Variants in OTUD7A observed in about 807,000 individuals in gnomAD.
OTUD7A encodes the protein OTU deubiquitinase 7A.
A neutral mutation model predicts 65.7 loss-of-function variants in OTUD7A; 12 were observed. The observed-to-expected ratio is 0.18, with a 90% CI of 0.12 to 0.30. The LOEUF (loss-of-function observed/expected upper bound fraction) is 0.30, where lower values mean the gene tolerates loss of function less well. Among genes scored for constraint, OTUD7A ranks in the 10% least tolerant of loss-of-function variants. OTUD7A has a pLI of 1.00. For synonymous variants in OTUD7A, 641 were observed against 586.3 expected, an observed-to-expected ratio of 1.09 and a Z score of -1.35; for missense variants, 1,148 against 1,304.8, an observed-to-expected ratio of 0.88 and a Z score of 1.85.
chr15:31,489,461 C>T (rs1407981124), intron 10 of OTUD7A, among the ~76,000 whole-genome samples: 1 of 152,150 alleles, frequency 6.6e-6, no homozygotes, highest in Non-Finnish European at 1.5e-5. Context: ...TGTTGGAGAA[C>T]ATCAGCCCAG....
intron 10 of OTUD7A, among the ~76,000 whole-genome samples, chr15:31,490,250 A>G (rs73370522): frequency 6.6e-6 from 1 of 152,302 alleles, no homozygotes; most frequent in South Asian, 2.1e-4. Context: ...TAGAACAGCA[A>G]CTGCTTTTCA....
rs1360554603 is a variant in OTUD7A, at chr15:31,511,028, T to C, written c.894-7210A>G. 4.6e-5 allele frequency among the ~76,000 whole-genome samples: 2 copies of C among 43,910 alleles called. 1 individual carries two copies. Among genetic ancestry groups the C allele is most frequent in the Non-Finnish European group, 7.4e-5 (2 of 26,852 alleles). The allele number at this position is 43,910 out of a possible 152,430, so 28.8% of individuals were successfully genotyped here. On this transcript the variant is annotated intron_variant, in intron 8 of 12. Coordinates refer to ENST00000307050, the MANE Select transcript of OTUD7A (RefSeq NM_001382637.1). ...TCTATATGTAACATACATGTATATCTATATGTAACATACATGTATATCTAT... is the reference window on the plus strand; with the variant it reads ...TCTATATGTAACATACATGTATATCCATATGTAACATACATGTATATCTAT...
At chr15:31,657,883 G>C (rs182624559) in intron 1 of OTUD7A, among the ~76,000 whole-genome samples, 139 of 152,296 alleles carry the variant, frequency 9.1e-4, no homozygotes, top group African/African-American at 3.3e-3. Flanking sequence ...AACAGCATGA[G>C]GCTCTGGGTG....
At chr15:31,625,660 T>A (rs1362080072) in intron 3 of OTUD7A, among the ~76,000 whole-genome samples, 1 of 152,072 alleles carries the variant, frequency 6.6e-6, no homozygotes, top group Non-Finnish European at 1.5e-5. Flanking sequence ...CTCATAGGTG[T>A]TTACCCAAGA....
At chr15:31,794,527 C>T (rs1895900150) in intron 1 of OTUD7A, among the ~76,000 whole-genome samples, 1 of 151,770 alleles carries the variant, frequency 6.6e-6, no homozygotes, top group African/African-American at 2.4e-5. Context: ...TGGGAGAAAG[C>T]CACAAATTAG....
chr15:31,619,485 A>T (rs1483484345), intron 3 of OTUD7A, among the ~76,000 whole-genome samples: 1 of 152,110 alleles, frequency 6.6e-6, no homozygotes, highest in Non-Finnish European at 1.5e-5. Flanking sequence ...GAGGTCCTTC[A>T]CATCCCTTGT....
chr15:31,673,192 T>C (rs2338915), intron 1 of OTUD7A, among the ~76,000 whole-genome samples: 3 of 152,260 alleles, frequency 2.0e-5, no homozygotes, highest in Non-Finnish European at 2.9e-5. Flanking sequence ...CCTTGACTTA[T>C]GATGGGGTAA....
chr15:31,793,110 G>A (rs1895862275), intron 1 of OTUD7A, among the ~76,000 whole-genome samples: 1 of 152,164 alleles, frequency 6.6e-6, no homozygotes, highest in Non-Finnish European at 1.5e-5. Context: ...GTGCGGCTGT[G>A]CTTCTGCCTC....
At chr15:31,769,612 T>C (rs1895180327) in intron 1 of OTUD7A, among the ~76,000 whole-genome samples, 1 of 152,190 alleles carries the variant, frequency 6.6e-6, no homozygotes. Flanking sequence ...ATCCACACAA[T>C]GACATACTTT....
At chr15:31,573,373 C>T (rs112594444) in intron 3 of OTUD7A, among the ~76,000 whole-genome samples, 1 of 152,264 alleles carries the variant, frequency 6.6e-6, no homozygotes, top group South Asian at 2.1e-4. Flanking sequence ...GGATGAACTC[C>T]AGCCAATCAA....
chr15:31,526,493 TG>T, intron 7 of OTUD7A, 32 bp from the exon 8 acceptor site: 1 of 1,511,558 alleles, frequency 6.6e-7, no homozygotes, highest in Non-Finnish European at 8.9e-7. Context: ...AGAAGGGGGG[TG>T]GGCCACAGCT....
intron 9 of OTUD7A, 145 bp downstream of exon 9, chr15:31,503,546 G>A: frequency 5.2e-6 from 6 of 1,147,976 alleles, no homozygotes; most frequent in South Asian, 1.4e-5. Context: ...TCAGGGAGGA[G>A]AAAGAAACAC....
chr15:31,811,789 T>TGC (rs1345653176), intron 1 of OTUD7A, among the ~76,000 whole-genome samples: 1 of 152,188 alleles, frequency 6.6e-6, no homozygotes, highest in Non-Finnish European at 1.5e-5. Context: ...TAGGCCCTGC[T>TGC]GCGGGCAGTC....
chr15:31,728,017 C>T (rs1052748747), intron 1 of OTUD7A, among the ~76,000 whole-genome samples: 6 of 152,292 alleles, frequency 3.9e-5, no homozygotes, highest in African/African-American at 1.2e-4. Context: ...ATATTTCAAG[C>T]CCCCAACTCT....
rs141355429 is a variant in OTUD7A at position 31,799,264 on chromosome 15, A to G, written c.-100+71243T>C. Reference sequence around the variant, plus strand: ...TCTCCTTAATCCAGACGGTAGCCCCAGAATAACACAGTTTCATTCTCAGTT... The same window carrying G: ...TCTCCTTAATCCAGACGGTAGCCCCGGAATAACACAGTTTCATTCTCAGTT... On this transcript the variant is annotated intron_variant, in intron 1 of 12. Transcript: ENST00000307050. 3.4e-3 allele frequency among the ~76,000 whole-genome samples: 521 copies of G among 152,314 alleles called. 1 individual carries two copies. The highest frequency in any genetic ancestry group is 0.027 in the Middle Eastern group (8 of 294).
chr15:31,486,500 T>C (rs8024651), intron 12 of OTUD7A, among the ~76,000 whole-genome samples: 10,839 of 152,306 alleles, frequency 0.071, 784 homozygotes, highest in African/African-American at 0.19. Context: ...TGCAGGCTGT[T>C]TTTTACAAAT....
At chr15:31,742,507 C>T (rs1055911639) in intron 1 of OTUD7A, among the ~76,000 whole-genome samples, 5 of 151,984 alleles carry the variant, frequency 3.3e-5, no homozygotes, top group African/African-American at 4.8e-5. Context: ...ATCTGATATA[C>T]GGCTCCTTAG....
chr15:31,592,753 G>A (rs1261331564), intron 3 of OTUD7A, among the ~76,000 whole-genome samples: 4 of 149,938 alleles, frequency 2.7e-5, no homozygotes, highest in Admixed American at 6.6e-5. Flanking sequence ...GGTGATGAGC[G>A]CCTGTAGTCC....
intron 5 of OTUD7A, among the ~76,000 whole-genome samples, chr15:31,551,800 C>G (rs1039161373): frequency 6.6e-6 from 1 of 151,888 alleles, no homozygotes; most frequent in African/African-American, 2.4e-5. Flanking sequence ...CATCACTGTG[C>G]TTTGCACGTG....
Sources: gnomAD v4.1 joint callset for allele counts (sites outside exome capture counted in the v4.1 genomes callset) on GRCh38, gnomAD v4.1.1 for gene constraint, MANE v1.5 for transcripts, NCBI Gene and HGNC (gene_info 2026-07-23, HGNC 2026-07-21) for gene names.